The following INPP4B variants were observed in gnomAD, a reference collection of about 807,000 sequenced individuals.
INPP4B encodes inositol polyphosphate-4-phosphatase type II B, also known as inositol polyphosphate 4-phosphatase type II.
A neutral mutation model predicts 122.5 loss-of-function variants in INPP4B; 55 were observed. The ratio of observed to expected loss-of-function variants is 0.45; its 90% CI spans 0.36 to 0.56. The LOEUF (loss-of-function observed/expected upper bound fraction) is 0.56. Among genes scored for constraint, INPP4B ranks in the 20% least tolerant of loss-of-function variants. INPP4B has a pLI of 0.00. For missense variants in INPP4B, 1,000 were observed against 1,097.7 expected (o/e 0.91, Z 1.26); for synonymous variants, 403 against 388.7 (o/e 1.04, Z -0.43).
chr4:142,359,238 C>T (rs1388237344), intron 7 of INPP4B, among the ~76,000 whole-genome samples: 1 of 149,578 alleles, frequency 6.7e-6, no homozygotes, highest in East Asian at 2.0e-4. Flanking sequence ...AAAAAAAAAA[C>T]AGGCTCTGGA....
chr4:142,641,376 C>G (rs950769475), intron 2 of INPP4B, among the ~76,000 whole-genome samples: 1 of 151,762 alleles, frequency 6.6e-6, no homozygotes, highest in Non-Finnish European at 1.5e-5. Flanking sequence ...CCCATTAACT[C>G]GTCATTTACA....
intron 11 of INPP4B, among the ~76,000 whole-genome samples, chr4:142,253,880 G>C (rs1419600072): frequency 6.6e-6 from 1 of 152,198 alleles, no homozygotes; most frequent in Non-Finnish European, 1.5e-5. Flanking sequence ...GCCTGCCTCT[G>C]TAGGCTCCAC....
At chr4:142,456,072 G>C (rs1431750251) in intron 3 of INPP4B, among the ~76,000 whole-genome samples, 1 of 151,908 alleles carries the variant, frequency 6.6e-6, no homozygotes, top group East Asian at 1.9e-4. Flanking sequence ...CTGATGGGCA[G>C]TATGCAAATA....
At chr4:142,725,711 G>T (rs1765262756) in intron 2 of INPP4B, 128 bp downstream of exon 2, 1 of 388,316 alleles carries the variant, frequency 2.6e-6, no homozygotes. Context: ...CCTTCCCTTG[G>T]CTTTTCAGAT....
chr4:142,335,344 A>T (rs754699077), intron 7 of INPP4B, among the ~76,000 whole-genome samples: 6 of 152,082 alleles, frequency 3.9e-5, no homozygotes, highest in Non-Finnish European at 7.3e-5. Context: ...CTCTAACGTC[A>T]GTTCTGGTCC....
At chr4:142,246,777 A>T (rs987607222) in intron 11 of INPP4B, among the ~76,000 whole-genome samples, 1 of 152,166 alleles carries the variant, frequency 6.6e-6, no homozygotes, top group African/African-American at 2.4e-5. Context: ...TCCTATCTGA[A>T]TACCCTTTAT....
chr4:142,800,697 T>C (rs577839497), intron 1 of INPP4B, among the ~76,000 whole-genome samples: 2 of 152,316 alleles, frequency 1.3e-5, no homozygotes, highest in East Asian at 1.9e-4. Context: ...CAGGATGTTA[T>C]AGTATAATAC....
At chr4:142,159,302 G>T (rs1281948853) in intron 17 of INPP4B, among the ~76,000 whole-genome samples, 3 of 150,816 alleles carry the variant, frequency 2.0e-5, no homozygotes, top group Non-Finnish European at 2.9e-5. Flanking sequence ...AAGGGAGAAA[G>T]AAATATTAGA....
In INPP4B at chr4:142,627,822, A is replaced by G. The variant is rs1346883730; in HGVS notation, c.-191+98017T>C. Among the ~76,000 whole-genome samples, 8 of 152,080 alleles carry G rather than the reference A, an allele frequency of 5.3e-5. No homozygotes were observed. The South Asian group carries it at 6.2e-4, about 12-fold the overall frequency. On this transcript the variant is annotated intron_variant, in intron 2 of 25. Coordinates refer to ENST00000262992, the MANE Select transcript of INPP4B (RefSeq NM_001101669.3). The stretch of plus-strand genomic sequence containing the variant: ...CTATTGATTGGAATAGTTTCAGAAG[A>G]AATGGTACCAGTTCCTCCTTGTACC...
chr4:142,519,828 T>C (rs1825861563), intron 2 of INPP4B, among the ~76,000 whole-genome samples: 1 of 152,242 alleles, frequency 6.6e-6, no homozygotes, highest in East Asian at 1.9e-4. Context: ...ATTTACTCTT[T>C]ATATCACTAT....
At chr4:142,263,987 G>T (rs1278764072) in intron 10 of INPP4B, among the ~76,000 whole-genome samples, 1 of 151,964 alleles carries the variant, frequency 6.6e-6, no homozygotes, top group Non-Finnish European at 1.5e-5. Flanking sequence ...TGGGGAGGAG[G>T]TCAAAGAAGT....
At chr4:142,266,453 T>A (rs1317257721) in intron 10 of INPP4B, among the ~76,000 whole-genome samples, 3 of 151,914 alleles carry the variant, frequency 2.0e-5, no homozygotes, top group Non-Finnish European at 2.9e-5. Flanking sequence ...GAAAAAAAAA[T>A]TGAAAGAAAA....
intron 17 of INPP4B, among the ~76,000 whole-genome samples, chr4:142,151,491 A>T (rs1335173026): frequency 6.6e-6 from 1 of 152,172 alleles, no homozygotes; most frequent in East Asian, 1.9e-4. Context: ...TCCTGGCCTT[A>T]TCTGGGAAAG....
chr4:142,374,160 C>A (rs573999948), intron 7 of INPP4B, among the ~76,000 whole-genome samples: 2 of 151,850 alleles, frequency 1.3e-5, no homozygotes, highest in African/African-American at 2.4e-5. Context: ...GTAATACACA[C>A]GCTTATTATT....
At chr4:142,477,872 T>C (rs1819999439) in intron 2 of INPP4B, among the ~76,000 whole-genome samples, 1 of 152,188 alleles carries the variant, frequency 6.6e-6, no homozygotes, top group Admixed American at 6.5e-5. Flanking sequence ...ATACCATTTG[T>C]AGTGAAACTA....
chr4:142,594,804 A>T (rs1196402926), intron 2 of INPP4B, among the ~76,000 whole-genome samples: 1 of 151,780 alleles, frequency 6.6e-6, no homozygotes, highest in Non-Finnish European at 1.5e-5. Flanking sequence ...AAATACAAAA[A>T]ATTAGCCGAG....
chr4:142,559,054 G>A (rs1729888259), intron 2 of INPP4B, among the ~76,000 whole-genome samples: 1 of 152,096 alleles, frequency 6.6e-6, no homozygotes, highest in Admixed American at 6.6e-5. Context: ...GGTCAGGAAT[G>A]CTAAAAATGT....
intron 7 of INPP4B, among the ~76,000 whole-genome samples, chr4:142,390,807 G>A (rs774206569): frequency 1.3e-5 from 2 of 151,566 alleles, no homozygotes; most frequent in Non-Finnish European, 2.9e-5. Flanking sequence ...CTTTAACTAC[G>A]ACTATTTAGA....
chr4:142,047,955 A>G (rs1212575009), intron 25 of INPP4B, among the ~76,000 whole-genome samples: 2 of 152,122 alleles, frequency 1.3e-5, no homozygotes, highest in South Asian at 2.1e-4. Context: ...GGAAATTAAC[A>G]CTTATTCAAA....
Sources: allele counts gnomAD v4.1 joint callset (sites outside exome capture counted in the v4.1 genomes callset), GRCh38; gene constraint gnomAD v4.1.1; transcripts MANE v1.5; gene names NCBI Gene and HGNC (gene_info 2026-07-23, HGNC 2026-07-21).